The following THSD7B variants were observed in gnomAD, a reference collection of about 807,000 sequenced individuals.
THSD7B encodes thrombospondin type-1 domain-containing protein 7B.
In THSD7B, 138 loss-of-function variants were observed where a neutral mutation model predicts 213.6. That is an observed-to-expected ratio of 0.65 (90% CI 0.56 to 0.74). The LOEUF (loss-of-function observed/expected upper bound fraction) is 0.74. THSD7B is among the 30% of genes least tolerant of loss of function. THSD7B has a pLI of 0.00. For missense variants in THSD7B, 1,931 were observed against 1,991.5 expected, an observed-to-expected ratio of 0.97 and a Z score of 0.58; for synonymous variants, 742 against 687.0, an observed-to-expected ratio of 1.08 and a Z score of -1.25.
At chr2:137,640,534 T>G (rs1682920162) in intron 20 of THSD7B, among the ~76,000 whole-genome samples, 1 of 152,228 alleles carries the variant, frequency 6.6e-6, no homozygotes, top group Non-Finnish European at 1.5e-5. Flanking sequence ...AAGCAGCTAC[T>G]AGAGTAAAAC....
intron 1 of THSD7B, among the ~76,000 whole-genome samples, chr2:136,860,580 T>A (rs1037135505): frequency 6.6e-6 from 1 of 152,238 alleles, no homozygotes; most frequent in Non-Finnish European, 1.5e-5. Flanking sequence ...GGAGTCATCC[T>A]TGATTCTTCT....
intron 1 of THSD7B, among the ~76,000 whole-genome samples, chr2:136,830,608 G>A (rs1682737658): frequency 6.6e-6 from 1 of 152,132 alleles, no homozygotes; most frequent in South Asian, 2.1e-4. Flanking sequence ...TATTGTAAAT[G>A]TATTTTCTTC....
At chr2:137,407,379 A>G (rs4954503) in intron 13 of THSD7B, among the ~76,000 whole-genome samples, 59,762 of 151,894 alleles carry the variant, frequency 0.39, 13,956 homozygotes, top group East Asian at 0.62. Context: ...ACCTTTGTGT[A>G]TCTTTATGTC....
At chr2:137,243,164 G>GT (rs1434874984) in intron 10 of THSD7B, among the ~76,000 whole-genome samples, 1 of 152,212 alleles carries the variant, frequency 6.6e-6, no homozygotes, top group East Asian at 1.9e-4. Flanking sequence ...ACACATAGGA[G>GT]TATATGCTAA....
At chr2:136,902,391 A>G (rs1025922911) in intron 2 of THSD7B, among the ~76,000 whole-genome samples, 3 of 152,208 alleles carry the variant, frequency 2.0e-5, no homozygotes, top group Non-Finnish European at 2.9e-5. Context: ...CAATGTTTTT[A>G]TAGAGTTTTC....
rs114217446 is a variant in THSD7B, at chr2:137,621,436, C to T, written c.3799+710C>T. 4.0e-3 allele frequency among the ~76,000 whole-genome samples: 613 copies of T among 152,162 alleles called. 5 individuals are homozygous for T. The highest frequency in any genetic ancestry group is 0.014 in the African/African-American group (576 of 41,508). On this transcript the variant is annotated intron_variant, in intron 20 of 27. Coordinates refer to ENST00000409968, the MANE Select transcript of THSD7B (RefSeq NM_001316349.2). The stretch of plus-strand genomic sequence containing the variant: ...GGTAGTATAAATCTTTGGGAAGAAA[C>T]GGAAATCATTACTACACGATCCCAG...
chr2:137,519,059 A>G (rs1456602716), intron 15 of THSD7B, among the ~76,000 whole-genome samples: 1 of 152,142 alleles, frequency 6.6e-6, no homozygotes, highest in Non-Finnish European at 1.5e-5. Context: ...CAGCCTGGCT[A>G]ATATGGTGAA....
intron 2 of THSD7B, among the ~76,000 whole-genome samples, chr2:136,899,117 A>G (rs980966403): frequency 4.6e-5 from 7 of 152,268 alleles, no homozygotes; most frequent in Admixed American, 4.6e-4. Context: ...CTATTAAGTG[A>G]TATCAGGAAC....
intron 12 of THSD7B, among the ~76,000 whole-genome samples, chr2:137,393,277 A>G (rs1424382633): frequency 6.6e-6 from 1 of 151,706 alleles, no homozygotes; most frequent in African/African-American, 2.4e-5. Flanking sequence ...GTCATCTAGC[A>G]TTAGGTATAT....
At position 136,924,541 on chromosome 2, in the gene THSD7B, A is replaced by G. The variant is rs565394464; in HGVS notation, c.139+42224A>G. Among the ~76,000 whole-genome samples the G allele has an allele frequency of 2.0e-5, 3 of 151,942 alleles. No individual in the cohort carries two copies. The East Asian group carries it at 5.8e-4, about 29-fold the overall frequency. On this transcript the variant is annotated intron_variant, in intron 2 of 27. Transcript: ENST00000409968. ...CTCTGTTCCACTGGGGGATATATAT[A>G]TATGTTTTTTATGCTAATGCTATGC... is the stretch of plus-strand genomic sequence containing the variant.
At chr2:137,352,811 T>C (rs1685042284) in intron 12 of THSD7B, among the ~76,000 whole-genome samples, 1 of 152,082 alleles carries the variant, frequency 6.6e-6, no homozygotes, top group African/African-American at 2.4e-5. Context: ...GAGAAAAATG[T>C]ATTGAGAAAA....
chr2:136,874,446 C>CA lies in THSD7B; in HGVS notation c.-35-7698_-35-7697insA, dbSNP rs1683492168. On this transcript the variant is annotated intron_variant, in intron 1 of 27. Transcript: ENST00000409968. ...CCGTTGATCGGCCATCTTTATTGAG[C>CA]CATCTTCTCTGCACAGTTACCATGA... Among the ~76,000 whole-genome samples the CA allele has an allele frequency of 1.6e-4, 25 of 152,272 alleles. No homozygotes were observed. In the East Asian group the frequency reaches 2.3e-3, roughly 14 times the overall value.
chr2:137,392,441 C>G (rs568084912), intron 12 of THSD7B, among the ~76,000 whole-genome samples: 1 of 152,188 alleles, frequency 6.6e-6, no homozygotes, highest in South Asian at 2.1e-4. Flanking sequence ...GTGTTGGGTA[C>G]ATATATATCT....
At chr2:137,358,478 AT>A (rs1558768873) in intron 12 of THSD7B, among the ~76,000 whole-genome samples, 2 of 152,170 alleles carry the variant, frequency 1.3e-5, no homozygotes, top group African/African-American at 4.8e-5. Flanking sequence ...ACCGAAAAAA[AT>A]TTTTTAAAGG....
chr2:136,899,308 C>A (rs778859558), intron 2 of THSD7B, among the ~76,000 whole-genome samples: 5 of 152,120 alleles, frequency 3.3e-5, no homozygotes, highest in Non-Finnish European at 7.3e-5. Context: ...TTATTTGTAT[C>A]GTGTATTATT....
intron 1 of THSD7B, among the ~76,000 whole-genome samples, chr2:136,800,223 C>T (rs552662213): frequency 2.6e-5 from 4 of 151,882 alleles, no homozygotes; most frequent in Non-Finnish European, 5.9e-5. Flanking sequence ...CCCAGACCAC[C>T]AAATTTTGTA....
chr2:137,152,621 G>A (rs547158234), intron 5 of THSD7B, among the ~76,000 whole-genome samples: 2 of 152,312 alleles, frequency 1.3e-5, no homozygotes, highest in African/African-American at 4.8e-5. Context: ...AGAGCCAAGT[G>A]GGTTGTCAAT....
At chr2:137,324,361 C>T (rs56257453) in intron 12 of THSD7B, among the ~76,000 whole-genome samples, 13,750 of 152,014 alleles carry the variant, frequency 0.09, 762 homozygotes, top group Non-Finnish European at 0.12. Context: ...TAATCGTGGT[C>T]GAATTTATAA....
intron 15 of THSD7B, among the ~76,000 whole-genome samples, chr2:137,462,676 ACT>A (rs1687907623): frequency 1.3e-5 from 2 of 151,748 alleles, no homozygotes; most frequent in African/African-American, 4.8e-5. Flanking sequence ...GCCCAAATAA[ACT>A]CTCTATATTA....
Sources: gnomAD v4.1 joint callset for allele counts (sites outside exome capture counted in the v4.1 genomes callset) on GRCh38, gnomAD v4.1.1 for gene constraint, MANE v1.5 for transcripts, NCBI Gene and HGNC (gene_info 2026-07-23, HGNC 2026-07-21) for gene names.